The following GAREM2 variants were observed in gnomAD, a reference collection of about 807,000 sequenced individuals.
GAREM2 encodes the protein GRB2-associated and regulator of MAPK protein 2.
GAREM2 carries 30 observed loss-of-function variants against 55.6 expected under a neutral mutation model. The ratio of observed to expected loss-of-function variants is 0.54; its 90% CI spans 0.40 to 0.73. GAREM2 has a LOEUF of 0.73. Among genes scored for constraint, GAREM2 ranks in the 30% least tolerant of loss-of-function variants. The probability of loss-of-function intolerance (pLI) is 0.00; values close to 1 mark genes in which losing one functional copy is unlikely to be tolerated. For synonymous variants in GAREM2, 550 were observed against 569.1 expected (o/e 0.97, Z 0.48); for missense variants, 1,075 against 1,257.7 (o/e 0.85, Z 2.20).
chr2:26,194,663 C>T (rs956586826), downstream of GAREM2: 9 of 1,491,550 alleles, frequency 6.0e-6, no homozygotes, highest in Admixed American at 1.7e-5. Context: ...AACATGAGCT[C>T]CCTGGCCCTG....
chr2:26,185,562 A>G (rs1669224209), intron 4 of GAREM2, among the ~76,000 whole-genome samples: 1 of 152,216 alleles, frequency 6.6e-6, no homozygotes, highest in Non-Finnish European at 1.5e-5. Context: ...ACCACAGAAC[A>G]GGGGTCCTTT....
Position 26,185,150 on chromosome 2 carries a change from G to C in GAREM2, c.1302G>C (p.Ala434=). ...PAEIPYEELW[A]HQGPEGLVRP... is the part of the protein sequence containing the mutation. Reference sequence around the variant, plus strand: ...AGATCCCCTACGAGGAGTTGTGGGCGCACCAGGGGCCCGAGGGCCTCGTCC... The same window carrying C: ...AGATCCCCTACGAGGAGTTGTGGGCCCACCAGGGGCCCGAGGGCCTCGTCC... The change falls in exon 4 of 6, where the codon GCG becomes GCC. Residue 434 remains alanine, a synonymous_variant. Coordinates refer to ENST00000401533, the MANE Select transcript of GAREM2 (RefSeq NM_001168241.2). 1 of 1,499,190 alleles carries C rather than the reference G, an allele frequency of 6.7e-7. No homozygotes were observed. The highest frequency in any genetic ancestry group is 8.8e-7 in the Non-Finnish European group (1 of 1,131,708). 92.9% of individuals were successfully genotyped at this position (1,499,190 alleles called of 1,614,324 possible).
chr2:26,204,236 T>G, the GAREM2 span: 1 of 1,601,772 alleles, frequency 6.2e-7, no homozygotes, highest in Non-Finnish European at 8.6e-7. Context: ...TAAACTGATC[T>G]TAATCATTTC....
chr2:26,197,863 GCCCAGCCCACTCTGTCCC>G, the GAREM2 span: 1 of 779,400 alleles, frequency 1.3e-6, no homozygotes, highest in Non-Finnish European at 2.4e-6. Flanking sequence ...TGACACCTGG[GCCCAGCCCACTCTGTCCC>G]CCACAACTGC....
chr2:26,186,864 A>G (rs1669275971), intron 5 of GAREM2, among the ~76,000 whole-genome samples: 1 of 152,156 alleles, frequency 6.6e-6, no homozygotes, highest in Non-Finnish European at 1.5e-5. Context: ...AATCCCAGCT[A>G]CTCGGGAAGC....
At chr2:26,173,664 G>T (rs1260375529) in intron 1 of GAREM2, among the ~76,000 whole-genome samples, 2 of 37,762 alleles carry the variant, frequency 5.3e-5, no homozygotes, top group Admixed American at 2.9e-4. Flanking sequence ...TGGGCCCCCC[G>T]CCCCGGCCGC....
chr2:26,194,620 T>C (rs1669610316), downstream of GAREM2: 3 of 1,610,308 alleles, frequency 1.9e-6, no homozygotes, highest in South Asian at 1.1e-5. Flanking sequence ...CACCTGGTAG[T>C]ATAGAAGCCA....
chr2:26,173,506 G>A (rs1668765955), intron 1 of GAREM2, among the ~76,000 whole-genome samples, 174 bp downstream of exon 1: 1 of 151,826 alleles, frequency 6.6e-6, no homozygotes, highest in East Asian at 2.0e-4. Flanking sequence ...CCACCCGCCA[G>A]GTCCGCCTCC....
At chr2:26,198,186 A>G in the GAREM2 span, among the ~76,000 whole-genome samples, 702 of 152,270 alleles carry the variant, frequency 4.6e-3, 3 homozygotes, top group African/African-American at 0.016. Flanking sequence ...CTTCACCTTT[A>G]TAAGAACAAG....
At chr2:26,185,387 G>T in intron 4 of GAREM2, 111 bp downstream of exon 4, 1 of 1,374,950 alleles carries the variant, frequency 7.3e-7, no homozygotes, top group Non-Finnish European at 9.4e-7. Context: ...CCTCGGCGGG[G>T]TGGGGAAGGG....
chr2:26,176,494 G>A lies in GAREM2; in HGVS notation c.253+10G>A. On this transcript the variant is annotated intron_variant, in intron 2 of 5. Transcript: ENST00000401533. ...CCCCTGCAGTACCCAGGTGTGTCCA[G>A]CCAGGACAGATGTCATAAAGCCTGT... The A allele has an allele frequency of 6.5e-7, 1 of 1,531,234 alleles. No individual in the cohort carries two copies. Among genetic ancestry groups the A allele is most frequent in the Non-Finnish European group, 8.8e-7 (1 of 1,134,808 alleles). The allele number at this position is 1,531,234 out of a possible 1,614,324, so 94.9% of individuals were successfully genotyped here. A position where few individuals can be genotyped will look rare whatever the true frequency, so the allele number is the denominator to read the frequency against.
rs1420617162 is a variant in GAREM2, at chr2:26,188,098, G to A, written c.2466G>A (p.Gly822=). Residue 822 remains glycine, a synonymous_variant, in exon 6 of 6, where the codon GGG becomes GGA. Transcript: ENST00000401533. The part of the protein sequence containing the change: ...EEVSRSLRFI[G]LSEDVVSFFA... ...TCTCTCGCAGTCTGCGTTTCATCGG[G>A]CTCTCAGAGGATGTGGTGAGCTTCT... is the stretch of plus-strand genomic sequence containing the variant. 9 of 1,550,690 alleles carry A rather than the reference G, an allele frequency of 5.8e-6. No individual in the cohort carries two copies. In the East Asian group the frequency reaches 1.7e-4, roughly 29 times the overall value.
chr2:26,193,834 C>T (rs1461654288), downstream of GAREM2: 1 of 1,313,066 alleles, frequency 7.6e-7, no homozygotes, highest in Non-Finnish European at 1.1e-6. Flanking sequence ...CCAAAGGGCT[C>T]CCTGTACTGG....
At chr2:26,182,408 C>A in intron 2 of GAREM2, 1 of 1,549,474 alleles carries the variant, frequency 6.5e-7, no homozygotes, top group Non-Finnish European at 8.7e-7. Flanking sequence ...CCAGGGCCTT[C>A]AAGGGCTGGG....
chr2:26,199,231 G>A, the GAREM2 span: 1 of 152,288 alleles, frequency 6.6e-6, no homozygotes, highest in Non-Finnish European at 1.5e-5. Flanking sequence ...AGCCAGGCAT[G>A]GTGGTACATA....
At chr2:26,185,338 G>GGGCCCC in intron 4 of GAREM2, 62 bp downstream of exon 4, 1 of 1,431,518 alleles carries the variant, frequency 7.0e-7, no homozygotes, top group Non-Finnish European at 9.1e-7. Context: ...CCGTTCTCCT[G>GGGCCCC]GGCCCCGGCC....
rs1253829913 is a variant in GAREM2 at position 26,187,614 on chromosome 2, G to A, written c.1982G>A (p.Gly661Asp). 2.6e-6 allele frequency: 4 copies of A among 1,549,534 alleles called. No individual in the cohort carries two copies. The highest frequency in any genetic ancestry group is 3.5e-6 in the Non-Finnish European group (4 of 1,145,872). Residue 661 changes from glycine (G) to aspartate (D), a missense_variant, in exon 6 of 6, where the codon GGC (glycine) becomes GAC (aspartate). Around this residue, in one of 6 missense-constraint regions of GAREM2, gnomAD observed 515 missense variants for 501.5 expected, o/e 1.03. Transcript: ENST00000401533. Reference protein sequence around the residue: ...RTTSGPVATSGPAYSPGPASP... With the variant: ...RTTSGPVATSDPAYSPGPASP... ...ACCTCGGGTCCTGTGGCTACCTCTG[G>A]CCCTGCGTATTCCCCAGGCCCAGCC...
At position 26,177,907 on chromosome 2, in the gene GAREM2, G is replaced by T. The variant is rs973800683; in HGVS notation, c.253+1423G>T. 2.6e-5 allele frequency among the ~76,000 whole-genome samples: 4 copies of T among 152,330 alleles called. No homozygotes were observed. In the Middle Eastern group the frequency reaches 0.014, roughly 518 times the overall value. ...CTCCCAAAGTGCTGGAATTACAGGT[G>T]TCAGCCACCAAACCCAGCCCAGTTC... On this transcript the variant is annotated intron_variant, in intron 2 of 5. Transcript: ENST00000401533.
chr2:26,190,148 T>G (rs1244765738), downstream of GAREM2, among the ~76,000 whole-genome samples: 4 of 152,174 alleles, frequency 2.6e-5, no homozygotes, highest in Non-Finnish European at 5.9e-5. Context: ...CCAGACCTGA[T>G]CTCCTTGCCT....
Sources: allele counts gnomAD v4.1 joint callset (sites outside exome capture counted in the v4.1 genomes callset), GRCh38; gene constraint gnomAD v4.1.1; regional missense constraint gnomAD v4.1.1; transcripts MANE v1.5; gene names NCBI Gene and HGNC (gene_info 2026-07-23, HGNC 2026-07-21).